TP53AIP1: variants seen among roughly 807,000 people sequenced by gnomAD.
TP53AIP1 encodes tumor protein p53 regulated apoptosis inducing protein 1, also known as p53-regulated apoptosis-inducing protein 1.
Under a neutral mutation model 9.5 loss-of-function variants are expected in TP53AIP1, and 14 were observed. That is an observed-to-expected ratio of 1.47 (90% confidence interval 0.97 to 2.30). TP53AIP1 has a LOEUF of 2.30. Ranked by LOEUF, TP53AIP1 falls within the 30% of genes most tolerant of loss-of-function variation. The pLI is 0.00. For missense variants in TP53AIP1, 153 were observed against 146.7 expected (o/e 1.04, Z -0.22); for synonymous variants, 73 against 61.2 (o/e 1.19, Z -0.90).
chr11:128,935,913 G>T lies in TP53AIP1; in HGVS notation c.254-201C>A, dbSNP rs142517030. ...CTTTAGATTTCATAGATATCAAATG[G>T]GCCAACAAAAATGTATCTTGGAATA... On this transcript the variant is annotated intron_variant, in intron 3 of 3. Coordinates refer to ENST00000531399, the MANE Select transcript of TP53AIP1 (RefSeq NM_022112.3). The T allele has an allele frequency of 6.1e-6, 8 of 1,302,376 alleles. No individual in the cohort carries two copies. In the East Asian group the frequency reaches 2.3e-4, roughly 38 times the overall value. The allele number at this position is 1,302,376 out of a possible 1,614,324, so 80.7% of individuals were successfully genotyped here. A position where few individuals can be genotyped will look rare whatever the true frequency, so the allele number is the denominator to read the frequency against.
At chr11:128,936,937 C>A in intron 2 of TP53AIP1, 1 of 1,184,742 alleles carries the variant, frequency 8.4e-7, no homozygotes, top group South Asian at 2.4e-5. Context: ...ATCACCACAG[C>A]TCGGGGCTTT....
chr11:128,935,148 GCCCGGGGCTTGCTGGTT>G (rs1379819152), downstream of TP53AIP1: 13 of 801,760 alleles, frequency 1.6e-5, no homozygotes, highest in Non-Finnish European at 2.7e-5. Context: ...CCCAGCGGGG[GCCCGGGGCTTGCTGGTT>G]GGCATCAGCA....
rs118088833 is a variant in TP53AIP1 at position 128,937,143 on chromosome 11, C to T, written c.142-494G>A. 10,161 of 1,082,690 alleles carry T rather than the reference C, an allele frequency of 9.4e-3. 81 individuals are homozygous for T. Among genetic ancestry groups the T allele is most frequent in the Non-Finnish European group, 0.011 (9,368 of 891,756 alleles). 67.1% of individuals were successfully genotyped at this position (1,082,690 alleles called of 1,614,324 possible). On this transcript the variant is annotated intron_variant, in intron 2 of 3. Coordinates refer to ENST00000531399, the MANE Select transcript of TP53AIP1 (RefSeq NM_022112.3). This position sits in a 1 kb window ranked among gnomAD's most constrained non-coding sequence, Gnocchi z 4.8. ...TGCATGGCCCCTGCATCCTTACCCC[C>T]TCCTCAGAGCCCACAAGCTTCCGAG...
At chr11:128,941,809 G>A (rs943352498) in intron 1 of TP53AIP1, among the ~76,000 whole-genome samples, 1 of 152,176 alleles carries the variant, frequency 6.6e-6, no homozygotes, top group South Asian at 2.1e-4. Flanking sequence ...CACGGCTGCC[G>A]CCCCCACCCA....
In TP53AIP1 at chr11:128,935,620, G is replaced by C. The variant is rs757134089; in HGVS notation, c.346C>G (p.Gln116Glu). The change falls in exon 4 of 4, where the codon CAG becomes GAG. Residue 116 changes from glutamine (Q) to glutamate (E), a missense_variant. Physicochemically the swap from Gln to Glu is conservative, Grantham distance 29. Coordinates refer to ENST00000531399, the MANE Select transcript of TP53AIP1 (RefSeq NM_022112.3). The part of the protein sequence containing the change: ...LGSAFELSYD[Q>E]KKAPLRLQ ...TGCAACCTCAACGGTGCTTTTTTCT[G>C]ATCATAGCTGAGCTCAAATGCTGAC... The C allele has an allele frequency of 6.3e-7, 1 of 1,582,174 alleles. No individual in the cohort carries two copies. Among genetic ancestry groups the C allele is most frequent in the South Asian group, 1.1e-5 (1 of 87,656 alleles).
Position 128,935,549 on chromosome 11 carries a change from C to G in TP53AIP1, c.*42G>C. On this transcript the variant is annotated 3_prime_UTR_variant, in exon 4 of 4. Coordinates refer to ENST00000531399, the MANE Select transcript of TP53AIP1 (RefSeq NM_022112.3). The stretch of plus-strand genomic sequence containing the variant: ...TTGTTTTTGTTTTGAGATGGAGTCT[C>G]TCTCTGTCGCCCAGGCTGGAGTGCA... The G allele has an allele frequency of 6.5e-7, 1 of 1,527,850 alleles. No homozygotes were observed. The allele number at this position is 1,527,850 out of a possible 1,614,324, so 94.6% of individuals were successfully genotyped here.
chr11:128,938,995 T>C (rs755477879), intron 1 of TP53AIP1, among the ~76,000 whole-genome samples: 5 of 152,276 alleles, frequency 3.3e-5, no homozygotes, highest in Admixed American at 6.5e-5. Flanking sequence ...GTTTGGTACA[T>C]GCTGGCCATG....
chr11:128,937,282 G>T lies in TP53AIP1; in HGVS notation c.141+396C>A, dbSNP rs538541577. 46 of 1,327,210 alleles carry T rather than the reference G, an allele frequency of 3.5e-5. No homozygotes were observed. In the Middle Eastern group the frequency reaches 1.1e-3, roughly 32 times the overall value. The allele number at this position is 1,327,210 out of a possible 1,614,324, so 82.2% of individuals were successfully genotyped here. A position where few individuals can be genotyped will look rare whatever the true frequency, so the allele number is the denominator to read the frequency against. On this transcript the variant is annotated intron_variant, in intron 2 of 3. Transcript: ENST00000531399. This position sits in a 1 kb window ranked among gnomAD's most constrained non-coding sequence, Gnocchi z 4.8. ...GGGGTGGACGCAGAAGAGCAGGCCC[G>T]GAGCCCTGCACCCCAGCCTTCCCTC...
chr11:128,937,598 T>A lies in TP53AIP1; in HGVS notation c.141+80A>T. 1 of 1,614,076 alleles carries A rather than the reference T, an allele frequency of 6.2e-7. No individual in the cohort carries two copies. The highest frequency in any genetic ancestry group is 1.6e-4 in the Middle Eastern group (1 of 6,062). On this transcript the variant is annotated intron_variant, in intron 2 of 3. Transcript: ENST00000531399. The surrounding 1 kb of genome is among the most constrained non-coding windows in gnomAD (Gnocchi z 4.8). ...CTGGTGAGTCTGAAAACTTGGGATG[T>A]CGGCACCACGGTGAGAGCAGAGTCT...
chr11:128,935,903 A>G (rs973477256), intron 3 of TP53AIP1, 191 bp from the exon 4 acceptor site: 4 of 1,313,818 alleles, frequency 3.0e-6, no homozygotes, highest in East Asian at 2.8e-5. Context: ...GATTTCATAG[A>G]TATCAAATGG....
rs80234366 is a variant in TP53AIP1 at position 128,942,244 on chromosome 11, C to T, written c.-77+550G>A. 2.8e-3 allele frequency among the ~76,000 whole-genome samples: 427 copies of T among 152,336 alleles called. 17 individuals carry two copies. In the East Asian group the frequency reaches 0.077, roughly 28 times the overall value. On this transcript the variant is annotated intron_variant, in intron 1 of 3. Transcript: ENST00000531399. ...CCAGGACCCAGGCTCCCACAGCTCG[C>T]GTCCTTCCTCTATCCCAGATCCATT...
chr11:128,937,479 T>A lies in TP53AIP1; in HGVS notation c.141+199A>T. Reference sequence around the variant, plus strand: ...AGGGCTGGCCTTCCTCTTGGGACTATTGATCAGGGCTGTCAGTTCCCAGCT... The same window carrying A: ...AGGGCTGGCCTTCCTCTTGGGACTAATGATCAGGGCTGTCAGTTCCCAGCT... On this transcript the variant is annotated intron_variant, in intron 2 of 3. Transcript: ENST00000531399. The surrounding 1 kb of genome is among the most constrained non-coding windows in gnomAD (Gnocchi z 4.8). 6.4e-7 allele frequency: 1 copy of A among 1,552,940 alleles called. No individual in the cohort carries two copies. Among genetic ancestry groups the A allele is most frequent in the South Asian group, 1.2e-5 (1 of 82,458 alleles).
At chr11:128,942,289 T>C (rs566735854) in intron 1 of TP53AIP1, among the ~76,000 whole-genome samples, 2 of 152,290 alleles carry the variant, frequency 1.3e-5, no homozygotes, top group African/African-American at 4.8e-5. Flanking sequence ...GTGGCCTCCA[T>C]ACAGGCTTCC....
intron 1 of TP53AIP1, among the ~76,000 whole-genome samples, chr11:128,942,478 C>T (rs1944966866): frequency 6.6e-6 from 1 of 152,326 alleles, no homozygotes; most frequent in East Asian, 1.9e-4. Context: ...ACAGCATCGG[C>T]GTCAGCATCG....
In TP53AIP1 at chr11:128,936,910, G is replaced by C. The variant is rs899164370; in HGVS notation, c.142-261C>G. 3.2e-6 allele frequency: 4 copies of C among 1,240,190 alleles called. No individual in the cohort carries two copies. The South Asian group carries it at 6.8e-5, about 21-fold the overall frequency. The allele number at this position is 1,240,190 out of a possible 1,614,324, so 76.8% of individuals were successfully genotyped here. On this transcript the variant is annotated intron_variant, in intron 2 of 3. Transcript: ENST00000531399. ...TCAGCCCAAAGAACAGACATAAACC[G>C]GCGCTTCCTCCCTCCCATCACCACA...
Position 128,937,553 on chromosome 11 carries a change from C to A in TP53AIP1, c.141+125G>T, listed in dbSNP as rs1219226811. ...ACAGTCCGCATGCAGCTCTGAGGAC[C>A]CAGATGCTGTCACTGGGTCCTGGTG... On this transcript the variant is annotated intron_variant, in intron 2 of 3. Transcript: ENST00000531399. This position sits in a 1 kb window ranked among gnomAD's most constrained non-coding sequence, Gnocchi z 4.8. 1 of 1,613,856 alleles carries A rather than the reference C, an allele frequency of 6.2e-7. No individual in the cohort carries two copies. Among genetic ancestry groups the A allele is most frequent in the Admixed American group, 1.7e-5 (1 of 59,982 alleles).
At chr11:128,942,400 G>GC (rs1387104646) in intron 1 of TP53AIP1, among the ~76,000 whole-genome samples, 1 of 152,202 alleles carries the variant, frequency 6.6e-6, no homozygotes, top group Non-Finnish European at 1.5e-5. Flanking sequence ...CCAGGTCTGA[G>GC]CCCCAGCTCA....
chr11:128,935,885 A>T (rs1944812903), intron 3 of TP53AIP1, 173 bp from the exon 4 acceptor site: 1 of 1,320,220 alleles, frequency 7.6e-7, no homozygotes, highest in African/African-American at 1.5e-5. Flanking sequence ...CAGGAAAAAA[A>T]ATCTTTAGAT....
chr11:128,936,665 A>G lies in TP53AIP1; in HGVS notation c.142-16T>C. On this transcript the variant is annotated splice_polypyrimidine_tract_variant and intron_variant, in intron 2 of 3. Transcript: ENST00000531399. The stretch of plus-strand genomic sequence containing the variant: ...GATCTGAAACCTGAGAGGAAATGGA[A>G]GCAGACTGTGAGGCCCTGCAGCGCC... 6.4e-7 allele frequency: 1 copy of G among 1,568,466 alleles called. No individual in the cohort carries two copies. Among genetic ancestry groups the G allele is most frequent in the Non-Finnish European group, 8.6e-7 (1 of 1,164,982 alleles).
Sources: gnomAD v4.1 joint callset for allele counts (sites outside exome capture counted in the v4.1 genomes callset) on GRCh38, gnomAD v4.1.1 for gene constraint, Gnocchi (gnomAD v3.1) non-coding constraint, MANE v1.5 for transcripts, NCBI Gene and HGNC (gene_info 2026-07-23, HGNC 2026-07-21) for gene names.